C1orf87: variants seen among roughly 807,000 people sequenced by gnomAD.
C1orf87 encodes the protein uncharacterized protein C1orf87.
Under a neutral mutation model 60.5 loss-of-function variants are expected in C1orf87, and 58 were observed. The ratio of observed to expected loss-of-function variants is 0.96; its 90% CI spans 0.78 to 1.19. The LOEUF is 1.19. C1orf87 is among the 50% of genes most tolerant of loss of function. C1orf87 has a pLI of 0.00. For missense variants in C1orf87, 673 were observed against 638.6 expected (o/e 1.05, Z -0.58); for synonymous variants, 236 against 227.4 (o/e 1.04, Z -0.34).
chr1:60,023,552 GA>G (rs1008024314), intron 8 of C1orf87, among the ~76,000 whole-genome samples: 2 of 151,882 alleles, frequency 1.3e-5, no homozygotes, highest in African/African-American at 2.4e-5. Flanking sequence ...AGATTTTATA[GA>G]AAAAAATTTA....
At chr1:60,016,949 A>G (rs1001154822) in intron 8 of C1orf87, among the ~76,000 whole-genome samples, 1 of 152,240 alleles carries the variant, frequency 6.6e-6, no homozygotes, top group Non-Finnish European at 1.5e-5. Flanking sequence ...ATTATCTTAT[A>G]AACTGAATTT....
chr1:60,022,517 C>T (rs1574305801), intron 8 of C1orf87, among the ~76,000 whole-genome samples: 1 of 152,062 alleles, frequency 6.6e-6, no homozygotes, highest in African/African-American at 2.4e-5. Context: ...GTATATATTC[C>T]AAGACCCATC....
chr1:60,065,264 G>A (rs115528013), intron 2 of C1orf87, among the ~76,000 whole-genome samples: 1,974 of 151,238 alleles, frequency 0.013, 40 homozygotes, highest in African/African-American at 0.045. Flanking sequence ...AATAGTTGCA[G>A]CCTCTTTTTC....
chr1:60,052,797 G>A (rs966401940), intron 3 of C1orf87, among the ~76,000 whole-genome samples: 2 of 152,190 alleles, frequency 1.3e-5, no homozygotes, highest in Admixed American at 1.3e-4. Flanking sequence ...TTGTAACTGC[G>A]GCAGGATTCC....
chr1:60,038,255 T>C, intron 5 of C1orf87, 148 bp from the exon 6 acceptor site: 1 of 499,548 alleles, frequency 2.0e-6, no homozygotes, highest in Non-Finnish European at 3.6e-6. Flanking sequence ...TTGGTGCTTT[T>C]TAGCAAGTAT....
chr1:60,005,953 C>G (rs560712636), intron 9 of C1orf87, among the ~76,000 whole-genome samples: 1 of 152,120 alleles, frequency 6.6e-6, no homozygotes, highest in East Asian at 1.9e-4. Flanking sequence ...CAAGTCCAAA[C>G]TTGATCTCTG....
intron 9 of C1orf87, among the ~76,000 whole-genome samples, chr1:60,001,409 A>C (rs1645003471): frequency 6.6e-6 from 1 of 152,116 alleles, no homozygotes; most frequent in Non-Finnish European, 1.5e-5. Context: ...CTTACTATAA[A>C]TAAAACTAAA....
intron 2 of C1orf87, among the ~76,000 whole-genome samples, chr1:60,060,696 TA>T (rs568972908): frequency 6.0e-4 from 91 of 152,114 alleles, no homozygotes; most frequent in African/African-American, 2.2e-3. Context: ...ACCCCCCCTT[TA>T]AAAAACAAAG....
intron 2 of C1orf87, among the ~76,000 whole-genome samples, chr1:60,058,250 G>A (rs1298218972): frequency 3.9e-5 from 6 of 152,166 alleles, no homozygotes. Context: ...GGGGTTTCTG[G>A]GATGCTGGTA....
chr1:60,021,410 G>T (rs1645162484), intron 8 of C1orf87, among the ~76,000 whole-genome samples: 1 of 152,094 alleles, frequency 6.6e-6, no homozygotes, highest in African/African-American at 2.4e-5. Flanking sequence ...AAAATGACTG[G>T]GTGCCATGAG....
chr1:60,053,539 T>C (rs1472382395), intron 3 of C1orf87, among the ~76,000 whole-genome samples: 1 of 151,998 alleles, frequency 6.6e-6, no homozygotes, highest in Non-Finnish European at 1.5e-5. Context: ...CCATTAAAGA[T>C]GATGCGTAGG....
intron 8 of C1orf87, among the ~76,000 whole-genome samples, chr1:60,022,065 A>G (rs1248743706): frequency 6.6e-6 from 1 of 150,638 alleles, no homozygotes; most frequent in African/African-American, 2.4e-5. Context: ...GAAATTTTAG[A>G]TGGAGCCAAA....
At chr1:60,022,463 A>C (rs548088510) in intron 8 of C1orf87, among the ~76,000 whole-genome samples, 70 of 152,246 alleles carry the variant, frequency 4.6e-4, no homozygotes, top group African/African-American at 1.5e-3. Context: ...AATTCTACCA[A>C]AAATTTGAGA....
intron 2 of C1orf87, among the ~76,000 whole-genome samples, chr1:60,067,513 T>C (rs1645555226): frequency 6.6e-6 from 1 of 152,052 alleles, no homozygotes; most frequent in Non-Finnish European, 1.5e-5. Context: ...ATAAATGTCT[T>C]CTTTTGAGAA....
At chr1:60,009,449 T>C (rs1645067478) in intron 9 of C1orf87, among the ~76,000 whole-genome samples, 1 of 152,068 alleles carries the variant, frequency 6.6e-6, no homozygotes, top group Non-Finnish European at 1.5e-5. Flanking sequence ...CCACCAAGAT[T>C]GTGGTATTTT....
intron 11 of C1orf87, among the ~76,000 whole-genome samples, chr1:59,995,826 G>A (rs1287022750): frequency 6.6e-6 from 1 of 152,134 alleles, no homozygotes; most frequent in Admixed American, 6.6e-5. Context: ...GCCCAGCCAT[G>A]TAACTTCATT....
intron 3 of C1orf87, among the ~76,000 whole-genome samples, chr1:60,048,178 A>G (rs1458697675): frequency 1.3e-5 from 2 of 152,104 alleles, no homozygotes; most frequent in South Asian, 2.1e-4. Flanking sequence ...TGTACAATCA[A>G]TCTCTCTCGG....
Position 60,072,557 on chromosome 1 carries a change from G to T in C1orf87, c.87C>A (p.Tyr29Ter), listed in dbSNP as rs780695243. 4 of 1,611,346 alleles carry T rather than the reference G, an allele frequency of 2.5e-6. No individual in the cohort carries two copies. The highest frequency in any genetic ancestry group is 1.7e-4 in the Middle Eastern group (1 of 6,058). ...CTTACATCTTTGGCTTCTCCACGAG[G>T]TATTGAAAGTGTTTACTTCCAATGA... ...VKIIGSKHFQ[Y>*]LVEKPKIKEN... is the part of the protein sequence containing the mutation. The change falls in exon 2 of 12, where the codon TAC becomes TAA. Residue 29 changes from tyrosine (Y) to a stop codon, truncating the protein, a stop_gained. Coordinates refer to ENST00000371201, the MANE Select transcript of C1orf87 (RefSeq NM_152377.3). LOFTEE classifies it high-confidence loss of function.
intron 8 of C1orf87, among the ~76,000 whole-genome samples, chr1:60,014,256 G>A (rs1645110111): frequency 6.6e-6 from 1 of 152,098 alleles, no homozygotes. Context: ...CAAGACTTGG[G>A]TCCCCAAATC....
Sources: allele counts gnomAD v4.1 joint callset (sites outside exome capture counted in the v4.1 genomes callset), GRCh38; gene constraint gnomAD v4.1.1; transcripts MANE v1.5; gene names NCBI Gene and HGNC (gene_info 2026-07-23, HGNC 2026-07-21).